Variants in BICC1 observed in about 807,000 individuals in gnomAD.
BICC1 encodes protein bicaudal C homolog 1.
In BICC1, 43 loss-of-function variants were observed where a neutral mutation model predicts 111.0. That is an observed-to-expected ratio of 0.39 (90% confidence interval 0.30 to 0.50). BICC1 has a LOEUF of 0.50. BICC1 is among the 20% of genes least tolerant of loss of function. The pLI is 0.88. For missense variants in BICC1, 1,091 were observed against 1,203.2 expected, an observed-to-expected ratio of 0.91 and a Z score of 1.38; for synonymous variants, 467 against 434.4, an observed-to-expected ratio of 1.07 and a Z score of -0.93.
intron 3 of BICC1, chr10:58,715,485 C>G: frequency 1.1e-6 from 1 of 883,562 alleles, no homozygotes; most frequent in South Asian, 1.4e-5. Context: ...GGACCTGTGG[C>G]AGGCCCTCTT....
At chr10:58,651,090 C>G (rs545353226) in intron 2 of BICC1, among the ~76,000 whole-genome samples, 7 of 152,258 alleles carry the variant, frequency 4.6e-5, no homozygotes, top group African/African-American at 7.2e-5. Flanking sequence ...GAGCACTTTC[C>G]AGGCTAAAAT....
In BICC1 at chr10:58,601,961, G is replaced by C. The variant is rs185541779; in HGVS notation, c.191-18894G>C. Among the ~76,000 whole-genome samples, 15 of 152,174 alleles carry C rather than the reference G, an allele frequency of 9.9e-5. No individual in the cohort carries two copies. The East Asian group carries it at 2.9e-3, about 29-fold the overall frequency. On this transcript the variant is annotated intron_variant, in intron 1 of 20. Coordinates refer to ENST00000373886, the MANE Select transcript of BICC1 (RefSeq NM_001080512.3). ...GTTTACATTATATATTTCAGGATAG[G>C]TGTCTCAGCCATGAAGATCCAGAAC...
intron 2 of BICC1, among the ~76,000 whole-genome samples, chr10:58,679,209 G>A (rs928559185): frequency 6.6e-6 from 1 of 152,092 alleles, no homozygotes; most frequent in Non-Finnish European, 1.5e-5. Flanking sequence ...AGGAGATAGA[G>A]ACACTAAAAA....
chr10:58,820,746 G>A (rs1456010844), intron 20 of BICC1, among the ~76,000 whole-genome samples: 1 of 152,130 alleles, frequency 6.6e-6, no homozygotes, highest in Non-Finnish European at 1.5e-5. Flanking sequence ...AACATGAGAA[G>A]TTGGGGAGAA....
chr10:58,617,184 T>A (rs1845643012), intron 1 of BICC1, among the ~76,000 whole-genome samples: 1 of 152,254 alleles, frequency 6.6e-6, no homozygotes, highest in Non-Finnish European at 1.5e-5. Context: ...ATGCTGCCCT[T>A]CAGGCTCGTG....
intron 2 of BICC1, among the ~76,000 whole-genome samples, chr10:58,670,971 TATG>T (rs945687419): frequency 6.6e-6 from 1 of 152,190 alleles, no homozygotes; most frequent in Non-Finnish European, 1.5e-5. Context: ...TTTCCATTTA[TATG>T]ATATTCTAGA....
chr10:58,692,511 T>C (rs1345533732), intron 2 of BICC1, among the ~76,000 whole-genome samples: 3 of 152,222 alleles, frequency 2.0e-5, no homozygotes, highest in African/African-American at 7.2e-5. Flanking sequence ...GTCTGTTTTA[T>C]TGTCAGTCAT....
chr10:58,746,035 A>G (rs573135493), intron 3 of BICC1, among the ~76,000 whole-genome samples: 2 of 152,218 alleles, frequency 1.3e-5, no homozygotes, highest in Non-Finnish European at 2.9e-5. Flanking sequence ...AGGAAGAATT[A>G]TGTCCTGGTA....
intron 2 of BICC1, among the ~76,000 whole-genome samples, chr10:58,638,912 T>TTCCC (rs758540618): frequency 1.5e-4 from 21 of 144,264 alleles, no homozygotes; most frequent in Non-Finnish European, 3.2e-4. Flanking sequence ...TTCCTTTTTC[T>TTCCC]TCCCTCCCTC....
At chr10:58,651,543 T>C (rs914406599) in intron 2 of BICC1, among the ~76,000 whole-genome samples, 2 of 152,202 alleles carry the variant, frequency 1.3e-5, no homozygotes, top group African/African-American at 4.8e-5. Context: ...AAGCCCTGTG[T>C]AGTGAAATTC....
At chr10:58,765,626 A>G (rs1186448623) in intron 3 of BICC1, among the ~76,000 whole-genome samples, 1 of 152,224 alleles carries the variant, frequency 6.6e-6, no homozygotes, top group Non-Finnish European at 1.5e-5. Context: ...ATTAATATCT[A>G]AGATTTCAAA....
intron 1 of BICC1, among the ~76,000 whole-genome samples, chr10:58,523,548 G>A (rs1842450357): frequency 6.6e-6 from 1 of 152,042 alleles, no homozygotes; most frequent in African/African-American, 2.4e-5. Flanking sequence ...TTGATGGGAC[G>A]TATCTCAAAA....
chr10:58,713,509 T>C (rs1304819410), intron 3 of BICC1, among the ~76,000 whole-genome samples: 2 of 152,208 alleles, frequency 1.3e-5, no homozygotes, highest in African/African-American at 4.8e-5. Flanking sequence ...TAATAACTAA[T>C]GTGAAAGATG....
intron 20 of BICC1, chr10:58,823,305 G>T (rs1240479529): frequency 2.0e-6 from 2 of 985,120 alleles, no homozygotes; most frequent in Non-Finnish European, 2.4e-6. Flanking sequence ...AAAGAAAAAG[G>T]TTGGTATTTT....
chr10:58,821,624 TA>T (rs1844252969), intron 20 of BICC1, among the ~76,000 whole-genome samples: 1 of 152,136 alleles, frequency 6.6e-6, no homozygotes, highest in Non-Finnish European at 1.5e-5. Flanking sequence ...GATAGAGTTC[TA>T]CACTCATCAG....
intron 3 of BICC1, among the ~76,000 whole-genome samples, chr10:58,708,353 G>A (rs971014034): frequency 2.0e-5 from 3 of 151,726 alleles, no homozygotes; most frequent in Non-Finnish European, 2.9e-5. Flanking sequence ...TTCAATACAA[G>A]TATACCAGAT....
intron 1 of BICC1, among the ~76,000 whole-genome samples, chr10:58,615,107 G>T (rs1474964644): frequency 6.6e-6 from 1 of 151,710 alleles, no homozygotes; most frequent in Non-Finnish European, 1.5e-5. Context: ...TTAGGTTTGA[G>T]CACTGACCTT....
chr10:58,717,314 G>A (rs1199827883), intron 3 of BICC1, among the ~76,000 whole-genome samples: 1 of 150,850 alleles, frequency 6.6e-6, no homozygotes, highest in Non-Finnish European at 1.5e-5. Flanking sequence ...GTTTAATGGC[G>A]TACTTGCCAA....
chr10:58,522,516 A>G (rs1027441555), intron 1 of BICC1, among the ~76,000 whole-genome samples: 11 of 152,296 alleles, frequency 7.2e-5, no homozygotes, highest in South Asian at 2.1e-4. Flanking sequence ...ACGACAACAA[A>G]GACACAACAT....
Sources: gnomAD v4.1 joint callset for allele counts (sites outside exome capture counted in the v4.1 genomes callset) on GRCh38, gnomAD v4.1.1 for gene constraint, MANE v1.5 for transcripts, NCBI Gene and HGNC (gene_info 2026-07-23, HGNC 2026-07-21) for gene names.